Variants in EIPR1 observed in about 807,000 individuals in gnomAD.
The protein encoded by EIPR1 is EARP and GARP complex-interacting protein 1.
In EIPR1, 25 loss-of-function variants were observed where a neutral mutation model predicts 48.1. The observed-to-expected ratio is 0.52, with a 90% CI of 0.38 to 0.73. EIPR1 has a LOEUF of 0.73. EIPR1 is among the 30% of genes least tolerant of loss of function. The pLI is 0.00. For synonymous variants in EIPR1, 204 were observed against 201.9 expected (o/e 1.01, Z -0.09); for missense variants, 415 against 506.2 (o/e 0.82, Z 1.73).
At chr2:3,316,704 G>T (rs1457637054) in intron 3 of EIPR1, among the ~76,000 whole-genome samples, 1 of 152,140 alleles carries the variant, frequency 6.6e-6, no homozygotes, top group East Asian at 1.9e-4. Flanking sequence ...TCCCCAAAGG[G>T]TTGCTGTACA....
At chr2:3,334,737 G>A (rs1669994998) in intron 3 of EIPR1, among the ~76,000 whole-genome samples, 1 of 152,218 alleles carries the variant, frequency 6.6e-6, no homozygotes, top group Admixed American at 6.5e-5. Flanking sequence ...TGCTATGGCA[G>A]GAATAAAATA....
intron 1 of EIPR1, among the ~76,000 whole-genome samples, chr2:3,368,897 TG>T (rs1483547809): frequency 6.6e-6 from 1 of 152,244 alleles, no homozygotes; most frequent in Non-Finnish European, 1.5e-5. Flanking sequence ...CCCTCCGTGT[TG>T]GTCTTTTATT....
intron 1 of EIPR1, among the ~76,000 whole-genome samples, chr2:3,359,723 T>A (rs1322609113): frequency 6.6e-6 from 1 of 152,198 alleles, no homozygotes; most frequent in African/African-American, 2.4e-5. Context: ...AAATGACCAC[T>A]AAGTCTAGTC....
intron 4 of EIPR1, among the ~76,000 whole-genome samples, chr2:3,221,832 G>A (rs1233071306): frequency 6.7e-6 from 1 of 149,326 alleles, no homozygotes; most frequent in Non-Finnish European, 1.5e-5. Context: ...GCCCACAATG[G>A]CCGAGATACA....
intron 1 of EIPR1, among the ~76,000 whole-genome samples, chr2:3,356,400 T>C (rs1207404939): frequency 1.3e-5 from 2 of 152,196 alleles, no homozygotes; most frequent in African/African-American, 4.8e-5. Context: ...TGTTTAATAA[T>C]TAGAAGATAA....
intron 2 of EIPR1, among the ~76,000 whole-genome samples, chr2:3,347,335 G>A (rs538182844): frequency 5.3e-5 from 8 of 152,316 alleles, no homozygotes; most frequent in South Asian, 2.1e-4. Context: ...GTTGTGGGAC[G>A]AACCTGGTGG....
At chr2:3,193,899 G>T in intron 7 of EIPR1, 100 bp downstream of exon 7, 1 of 1,343,164 alleles carries the variant, frequency 7.4e-7, no homozygotes. Context: ...ATTCACAGCA[G>T]CACAAACTAA....
chr2:3,267,884 T>C (rs1667540163), intron 3 of EIPR1, among the ~76,000 whole-genome samples: 1 of 152,218 alleles, frequency 6.6e-6, no homozygotes, highest in African/African-American at 2.4e-5. Context: ...GCTGGCTCCA[T>C]CTACCTGTGC....
chr2:3,365,698 C>A (rs3860485), intron 1 of EIPR1, among the ~76,000 whole-genome samples: 88,169 of 147,858 alleles, frequency 0.6, 26,619 homozygotes, highest in Admixed American at 0.65. Context: ...CTTAACGAGC[C>A]TGCTGCCTTC....
At chr2:3,222,906 A>G (rs1478124841) in intron 4 of EIPR1, among the ~76,000 whole-genome samples, 1 of 152,216 alleles carries the variant, frequency 6.6e-6, no homozygotes, top group Non-Finnish European at 1.5e-5. Context: ...ACATGTTTGC[A>G]GAGTAGTGAC....
chr2:3,373,626 C>T (rs533705608), intron 1 of EIPR1, among the ~76,000 whole-genome samples: 13 of 152,098 alleles, frequency 8.5e-5, no homozygotes, highest in Admixed American at 1.3e-4. Flanking sequence ...CTCCCATTCA[C>T]AATTGCTTCA....
chr2:3,311,210 T>G (rs1447735619), intron 3 of EIPR1, among the ~76,000 whole-genome samples: 1 of 152,138 alleles, frequency 6.6e-6, no homozygotes, highest in Non-Finnish European at 1.5e-5. Context: ...CTTCTAAGCT[T>G]TACTATTTGA....
chr2:3,225,635 CTTTTT>C (rs376420053), intron 4 of EIPR1, among the ~76,000 whole-genome samples: 3 of 151,960 alleles, frequency 2.0e-5, no homozygotes, highest in Non-Finnish European at 4.4e-5. Context: ...AGTTAACTCC[CTTTTT>C]TTTGTCATGC....
rs553279907 is a variant in EIPR1 at position 3,237,768 on chromosome 2, C to T, written c.416+19531G>A. ...CCTGCATCTCTCTGAGCCTTGGTTTCCGCTTCCGTCCAGCGGGGAGAATAG... is the reference window on the plus strand; with the variant it reads ...CCTGCATCTCTCTGAGCCTTGGTTTTCGCTTCCGTCCAGCGGGGAGAATAG... On this transcript the variant is annotated intron_variant, in intron 4 of 8. Coordinates refer to ENST00000382125, the MANE Select transcript of EIPR1 (RefSeq NM_003310.5). Among the ~76,000 whole-genome samples the T allele has an allele frequency of 8.5e-5, 13 of 152,302 alleles. No individual in the cohort carries two copies. The East Asian group carries it at 1.3e-3, about 16-fold the overall frequency.
chr2:3,260,960 ACT>A (rs999625448), intron 3 of EIPR1, among the ~76,000 whole-genome samples: 14 of 152,208 alleles, frequency 9.2e-5, no homozygotes, highest in African/African-American at 3.4e-4. Context: ...TTTGGAAAAC[ACT>A]TTTGCAGTTG....
chr2:3,200,940 T>C (rs1665011147), intron 5 of EIPR1, among the ~76,000 whole-genome samples: 1 of 152,108 alleles, frequency 6.6e-6, no homozygotes, highest in Non-Finnish European at 1.5e-5. Flanking sequence ...TGGCAGGGCC[T>C]GGGCACTCCG....
intron 3 of EIPR1, among the ~76,000 whole-genome samples, chr2:3,272,794 G>C (rs749811407): frequency 2.0e-5 from 3 of 152,186 alleles, no homozygotes; most frequent in Non-Finnish European, 4.4e-5. Context: ...TGGGCCAATA[G>C]ATTTGATGGA....
At chr2:3,266,929 T>C (rs1667507687) in intron 3 of EIPR1, among the ~76,000 whole-genome samples, 1 of 152,166 alleles carries the variant, frequency 6.6e-6, no homozygotes, top group Non-Finnish European at 1.5e-5. Context: ...CTAAGCCAGC[T>C]CACAGGCCTA....
Position 3,367,091 on chromosome 2 carries a change from A to T in EIPR1, c.42+10557T>A, listed in dbSNP as rs543771214. ...ATAAATTAAAAATAAACGAAAATAAATTCAACTGATGAAATTAAAAAAAAA... is the reference window on the plus strand; with the variant it reads ...ATAAATTAAAAATAAACGAAAATAATTTCAACTGATGAAATTAAAAAAAAA... On this transcript the variant is annotated intron_variant, in intron 1 of 8. Transcript: ENST00000382125. Among the ~76,000 whole-genome samples the T allele has an allele frequency of 2.8e-5, 4 of 144,388 alleles. No individual in the cohort carries two copies. In the East Asian group the frequency reaches 7.9e-4, roughly 28 times the overall value. The allele number at this position is 144,388 out of a possible 152,430, so 94.7% of individuals were successfully genotyped here. A position where few individuals can be genotyped will look rare whatever the true frequency, so the allele number is the denominator to read the frequency against.
Sources: gnomAD v4.1 joint callset for allele counts (sites outside exome capture counted in the v4.1 genomes callset) on GRCh38, gnomAD v4.1.1 for gene constraint, MANE v1.5 for transcripts, NCBI Gene and HGNC (gene_info 2026-07-23, HGNC 2026-07-21) for gene names.